HNF1A: variants seen among roughly 807,000 people sequenced by gnomAD.
HNF1A encodes hepatocyte nuclear factor 1-alpha.
In HNF1A, 21 loss-of-function variants were observed where a neutral mutation model predicts 62.2. The ratio of observed to expected loss-of-function variants is 0.34; its 90% CI spans 0.24 to 0.49. The LOEUF is 0.49. Ranked by LOEUF, HNF1A falls within the 20% of genes least tolerant of loss-of-function variation. HNF1A has a pLI of 0.99. For missense variants in HNF1A, 687 were observed against 832.3 expected (o/e 0.83, Z 2.15); for synonymous variants, 374 against 366.8 (o/e 1.02, Z -0.22).
chr12:120,990,147 T>G (rs1267227901), intron 2 of HNF1A, among the ~76,000 whole-genome samples: 1 of 152,142 alleles, frequency 6.6e-6, no homozygotes, highest in Non-Finnish European at 1.5e-5. Flanking sequence ...TTTTATTATT[T>G]TTTTATTTTT....
chr12:120,996,785 T>C lies in HNF1A; in HGVS notation c.1309+43T>C. ...GGTGGGCACCTGGGTGGGAGGCTCA[T>C]GGGGCAACCGCAGAATCCAGGAGCT... On this transcript the variant is annotated intron_variant, in intron 6 of 9. Coordinates refer to ENST00000257555, the MANE Select transcript of HNF1A (RefSeq NM_000545.8). This position sits in a 1 kb window ranked among gnomAD's most constrained non-coding sequence, Gnocchi z 4.5. 7 of 1,607,230 alleles carry C rather than the reference T, an allele frequency of 4.4e-6. No homozygotes were observed. The highest frequency in any genetic ancestry group is 5.9e-6 in the Non-Finnish European group (7 of 1,177,066).
At chr12:120,980,184 G>A (rs55774924) in intron 1 of HNF1A, among the ~76,000 whole-genome samples, 1,748 of 152,254 alleles carry the variant, frequency 0.011, 31 homozygotes, top group African/African-American at 0.039. Context: ...GCTTAGAGCC[G>A]GGAAGGAGCT....
intron 2 of HNF1A, among the ~76,000 whole-genome samples, chr12:120,991,621 TATGTATGATGTATGTATGTATGC>T (rs1876838994): frequency 1.2e-4 from 1 of 8,422 alleles, no homozygotes; most frequent in South Asian, 2.7e-3. Flanking sequence ...TGTATGTATG[TATGTATGATGTATGTATGTATGC>T]ATGCATGCAT....
intron 1 of HNF1A, among the ~76,000 whole-genome samples, chr12:120,985,615 T>A (rs966656603): frequency 6.6e-6 from 1 of 152,010 alleles, no homozygotes; most frequent in Non-Finnish European, 1.5e-5. Flanking sequence ...GAGGCTACAG[T>A]GAGCTATGAT....
chr12:121,000,791 C>T (rs988222889), intron 9 of HNF1A: 2 of 493,668 alleles, frequency 4.1e-6, no homozygotes, highest in African/African-American at 1.9e-5. Flanking sequence ...CTAGCCAAGC[C>T]AACACGTACA....
rs1565887102 is a variant in HNF1A at position 120,997,538 on chromosome 12, C to T, written c.1374C>T (p.Thr458=). The T allele has an allele frequency of 6.2e-7, 1 of 1,613,644 alleles. No homozygotes were observed. The highest frequency in any genetic ancestry group is 8.5e-7 in the Non-Finnish European group (1 of 1,180,010). ...VINSMGSSLT[T]LQPVQFSQPL... ...ACAGCATGGGCAGCAGCCTGACCAC[C>T]CTGCAGCCCGTCCAGTTCTCCCAGC... Residue 458 remains threonine (T), a synonymous_variant, in exon 7 of 10, where the codon ACC becomes ACT. Transcript: ENST00000257555.
intron 1 of HNF1A, among the ~76,000 whole-genome samples, chr12:120,984,500 A>AGGGAGGACAC (rs1876413886): frequency 6.6e-6 from 1 of 151,374 alleles, no homozygotes; most frequent in Non-Finnish European, 1.5e-5. Context: ...GGAGGGAGGA[A>AGGGAGGACAC]GGGAGGACAC....
intron 1 of HNF1A, among the ~76,000 whole-genome samples, chr12:120,984,455 C>T (rs964842936): frequency 2.0e-5 from 3 of 151,970 alleles, no homozygotes; most frequent in African/African-American, 7.3e-5. Context: ...GAGAGGAAGA[C>T]TGACCCTATT....
rs1393473386 is a variant in HNF1A, at chr12:121,001,273, G to A, written c.*81G>A. 5 of 1,537,538 alleles carry A rather than the reference G, an allele frequency of 3.3e-6. No individual in the cohort carries two copies. The African/African-American group carries it at 5.4e-5, about 17-fold the overall frequency. On this transcript the variant is annotated 3_prime_UTR_variant, in exon 10 of 10. Coordinates refer to ENST00000257555, the MANE Select transcript of HNF1A (RefSeq NM_000545.8). ...GCAGCCAGCCCTGCCTGGAGGACCT[G>A]AGCCTGCCGAGCAACCGTGGCCCTT...
chr12:120,999,073 C>G (rs1877275246), intron 7 of HNF1A, among the ~76,000 whole-genome samples, 195 bp from the exon 8 acceptor site: 1 of 152,200 alleles, frequency 6.6e-6, no homozygotes, highest in African/African-American at 2.4e-5. Context: ...CGCAGCTGAG[C>G]AGTTCCCTGT....
Position 120,994,322 on chromosome 12 carries a change from C to T in HNF1A, c.872C>T (p.Pro291Leu), listed in dbSNP as rs193922606. The T allele has an allele frequency of 4.8e-5, 78 of 1,609,652 alleles. No homozygotes were observed. Among genetic ancestry groups the T allele is most frequent in the South Asian group, 1.0e-4 (9 of 90,414 alleles). Residue 291 changes from proline to leucine, a missense_variant, in exon 4 of 10, where the codon CCA (proline) becomes CTA (leucine). By Grantham distance (98) the Pro-to-Leu change is moderately conservative (BLOSUM62 -3). Transcript: ENST00000257555. ...LAMDTYSGPP[P>L]GPGPGPALPA... ...ATGGACACGTACAGCGGGCCCCCCC[C>T]AGGGCCAGGCCCGGGACCTGCGCTG... is the stretch of plus-strand genomic sequence containing the variant.
At chr12:120,992,613 C>A (rs534868441) in intron 2 of HNF1A, among the ~76,000 whole-genome samples, 20 of 152,192 alleles carry the variant, frequency 1.3e-4, no homozygotes, top group Admixed American at 1.2e-3. Context: ...GTGAACACAC[C>A]AATACAGATA....
chr12:120,996,603 G>A lies in HNF1A; in HGVS notation c.1170G>A (p.Glu390=), dbSNP rs761882013. The part of the protein sequence containing the change: ...VSTLTALHSL[E]QTSPGLNQQP... ...CCCTGACAGCACTGCACAGCTTGGA[G>A]CAGACATCCCCAGGCCTCAACCAGC... The change falls in exon 6 of 10, where the codon GAG becomes GAA. Residue 390 remains glutamate, a synonymous_variant. Coordinates refer to ENST00000257555, the MANE Select transcript of HNF1A (RefSeq NM_000545.8). This position sits in a 1 kb window ranked among gnomAD's most constrained non-coding sequence, Gnocchi z 4.5. The A allele has an allele frequency of 1.7e-5, 27 of 1,613,938 alleles. No individual in the cohort carries two copies. Among genetic ancestry groups the A allele is most frequent in the Middle Eastern group, 1.6e-4 (1 of 6,082 alleles).
In HNF1A at chr12:120,989,093, T is replaced by C. The variant is rs953111314; in HGVS notation, c.526+61T>C. The C allele has an allele frequency of 1.4e-5, 21 of 1,497,758 alleles. No homozygotes were observed. The African/African-American group carries it at 2.8e-4, about 20-fold the overall frequency. 92.8% of individuals were successfully genotyped at this position (1,497,758 alleles called of 1,614,324 possible). A position where few individuals can be genotyped will look rare whatever the true frequency, so the allele number is the denominator to read the frequency against. Reference sequence around the variant, plus strand: ...GGGCCCAGGACTCTCCCCTAACTCATAGGTGGGGGCTGGAAGCTTCACCAT... The same window carrying C: ...GGGCCCAGGACTCTCCCCTAACTCACAGGTGGGGGCTGGAAGCTTCACCAT... On this transcript the variant is annotated intron_variant, in intron 2 of 9. Coordinates refer to ENST00000257555, the MANE Select transcript of HNF1A (RefSeq NM_000545.8).
At chr12:120,988,618 G>A (rs193288022) in intron 1 of HNF1A, among the ~76,000 whole-genome samples, 1 of 152,330 alleles carries the variant, frequency 6.6e-6, no homozygotes, top group African/African-American at 2.4e-5. Context: ...ACAAGTCTCT[G>A]TCCTCATGAC....
intron 1 of HNF1A, among the ~76,000 whole-genome samples, chr12:120,982,138 C>T (rs1165703136): frequency 6.6e-6 from 1 of 152,094 alleles, no homozygotes; most frequent in South Asian, 2.1e-4. Flanking sequence ...GGCGCGATCT[C>T]GGCTCACTGC....
At position 120,990,617 on chromosome 12, in the gene HNF1A, TAGGAAAGGGAGGAAAG is replaced by T. The variant is rs1441310186; in HGVS notation, c.526+1587_526+1602del. On this transcript the variant is annotated intron_variant, in intron 2 of 9. Transcript: ENST00000257555. ...AAGATGATAGGAAAGGGAGGAAAGATAGGAAAGGGAGGAAAGATAGGAAAGGGAGGAAAGGTAGGAA... is the reference window on the plus strand; with the variant it reads ...AAGATGATAGGAAAGGGAGGAAAGATATAGGAAAGGGAGGAAAGGTAGGAA... Among the ~76,000 whole-genome samples the T allele has an allele frequency of 5.5e-5, 7 of 126,836 alleles. No individual in the cohort carries two copies. In the East Asian group the frequency reaches 1.5e-3, roughly 27 times the overall value. 83.2% of individuals were successfully genotyped at this position (126,836 alleles called of 152,430 possible). A position where few individuals can be genotyped will look rare whatever the true frequency, so the allele number is the denominator to read the frequency against.
In HNF1A at chr12:120,999,592, T is replaced by C. The variant is rs2135851587; in HGVS notation, c.1733T>C (p.Leu578Pro). 7 of 1,611,714 alleles carry C rather than the reference T, an allele frequency of 4.3e-6. No homozygotes were observed. Among genetic ancestry groups the C allele is most frequent in the South Asian group, 1.1e-5 (1 of 90,998 alleles). Residue 578 changes from leucine (L) to proline (P), a missense_variant, in exon 9 of 10, where the codon CTG (leucine) becomes CCG (proline). Transcript: ENST00000257555. ...PSQDPASIQH[L>P]QPAHRLSASP... ...CAGGACCCTGCCAGCATCCAGCACC[T>C]GCAGCCGGCCCACCGGCTCAGCGCC...
Position 120,989,005 on chromosome 12 carries a change from G to T in HNF1A, c.499G>T (p.Val167Phe), listed in dbSNP as rs371759652. 2 of 1,614,214 alleles carry T rather than the reference G, an allele frequency of 1.2e-6. No individual in the cohort carries two copies. The highest frequency in any genetic ancestry group is 1.7e-6 in the Non-Finnish European group (2 of 1,180,042). ...GCGGGCCGCCCTGTACACCTGGTAC[G>T]TCCGCAAGCAGCGAGAGGTGGCGCA... ...QKRAALYTWY[V>F]RKQREVAQQF... Residue 167 changes from valine to phenylalanine, a missense_variant, in exon 2 of 10, where the codon GTC (valine) becomes TTC (phenylalanine). Transcript: ENST00000257555.
Sources: gnomAD v4.1 joint callset for allele counts (sites outside exome capture counted in the v4.1 genomes callset) on GRCh38, gnomAD v4.1.1 for gene constraint, Gnocchi (gnomAD v3.1) non-coding constraint, MANE v1.5 for transcripts, NCBI Gene and HGNC (gene_info 2026-07-23, HGNC 2026-07-21) for gene names.